The following CYTH4 variants were observed in gnomAD, a reference collection of about 807,000 sequenced individuals.
The protein encoded by CYTH4 is cytohesin 4, also known as cytohesin-4.
CYTH4 carries 22 observed loss-of-function variants against 57.5 expected under a neutral mutation model. That is an observed-to-expected ratio of 0.38 (90% CI 0.27 to 0.55). CYTH4 has a LOEUF of 0.55. CYTH4 is among the 20% of genes least tolerant of loss of function. The pLI, the probability that CYTH4 is intolerant of heterozygous loss-of-function variation, is 0.74. For synonymous variants in CYTH4, 186 were observed against 206.5 expected (o/e 0.90, Z 0.85); for missense variants, 420 against 535.6 (o/e 0.78, Z 2.13).
chr22:37,297,833 G>A, intron 5 of CYTH4, 151 bp downstream of exon 5: 1 of 637,424 alleles, frequency 1.6e-6, no homozygotes, highest in Non-Finnish European at 2.8e-6. Flanking sequence ...TCCAGATTCT[G>A]AGTCAAAGCC....
chr22:37,285,683 C>G lies in CYTH4; in HGVS notation c.19+3095C>G, dbSNP rs140735420. On this transcript the variant is annotated intron_variant, in intron 1 of 12. Coordinates refer to ENST00000248901, the MANE Select transcript of CYTH4 (RefSeq NM_013385.5). ...CCGAGATCAGGCCACTGCACTCCAG[C>G]CTGGGTAACAGACAGAGACATCGTC... is the stretch of plus-strand genomic sequence containing the variant. Among the ~76,000 whole-genome samples, 1,361 of 152,182 alleles carry G rather than the reference C, an allele frequency of 8.9e-3. 15 individuals are homozygous for G. Among genetic ancestry groups the G allele is most frequent in the African/African-American group, 0.031 (1,279 of 41,468 alleles).
chr22:37,312,078 C>T lies in CYTH4; in HGVS notation c.1016C>T (p.Thr339Ile), dbSNP rs1180358639. 3.1e-6 allele frequency: 5 copies of T among 1,614,066 alleles called. No individual in the cohort carries two copies. Among genetic ancestry groups the T allele is most frequent in the African/African-American group, 1.3e-5 (1 of 74,928 alleles). ...GGCCAGAAAATCAAGGCCTGCAAGA[C>T]CGATGGCGACGGCAGGGTGGTGGAG... is the stretch of plus-strand genomic sequence containing the variant. ...CRGQKIKACK[T>I]DGDGRVVEGK... The change falls in exon 12 of 13, where the codon ACC (threonine) becomes ATC (isoleucine). Residue 339 changes from threonine (T) to isoleucine (I), a missense_variant. Transcript: ENST00000248901.
rs979565325 is a variant in CYTH4 at position 37,301,625 on chromosome 22, T to C, written c.547+606T>C. Reference sequence around the variant, plus strand: ...TTGTCATAACAACAATAACCAACCCTGTATATTGAGTAATCCCTATGCGCT... The same window carrying C: ...TTGTCATAACAACAATAACCAACCCCGTATATTGAGTAATCCCTATGCGCT... On this transcript the variant is annotated intron_variant, in intron 7 of 12. Transcript: ENST00000248901. Among the ~76,000 whole-genome samples the C allele has an allele frequency of 5.3e-5, 8 of 149,788 alleles. No individual in the cohort carries two copies. In the East Asian group the frequency reaches 1.6e-3, roughly 29 times the overall value.
chr22:37,310,509 T>C (rs1929599926), intron 9 of CYTH4, among the ~76,000 whole-genome samples: 1 of 152,216 alleles, frequency 6.6e-6, no homozygotes, highest in South Asian at 2.1e-4. Flanking sequence ...GCAGGCGATT[T>C]TACCTCTCCA....
chr22:37,295,900 A>C lies in CYTH4; in HGVS notation c.168-99A>C. ...CCGGAGGCCACACTTGGAGGGCCCTAGAGGGGTATGGGCTCCTGCTGAGGC... is the reference window on the plus strand; with the variant it reads ...CCGGAGGCCACACTTGGAGGGCCCTCGAGGGGTATGGGCTCCTGCTGAGGC... On this transcript the variant is annotated intron_variant, in intron 3 of 12. Transcript: ENST00000248901. This position sits in a 1 kb window ranked among gnomAD's most constrained non-coding sequence, Gnocchi z 4.1. 2 of 1,275,174 alleles carry C rather than the reference A, an allele frequency of 1.6e-6. No individual in the cohort carries two copies. The highest frequency in any genetic ancestry group is 1.3e-5 in the South Asian group (1 of 78,620). The allele number at this position is 1,275,174 out of a possible 1,614,324, so 79.0% of individuals were successfully genotyped here.
chr22:37,292,623 C>T lies in CYTH4; in HGVS notation c.22C>T (p.Pro8Ser), dbSNP rs751140524. ...GAAGGCCGGTTGTCTCTCTGTAGAG[C>T]CCGCGGAGCTGAGCAGCGGGGAGAC... MDLCHPEPAELSSGETEE... is the reference protein window; with the variant it reads MDLCHPESAELSSGETEE... Residue 8 changes from proline (P) to serine (S), a missense_variant and splice_region_variant, in exon 2 of 13, where the codon CCC becomes TCC. Pro to Ser is a moderately conservative substitution (Grantham distance 74, BLOSUM62 -1). Coordinates refer to ENST00000248901, the MANE Select transcript of CYTH4 (RefSeq NM_013385.5). 3 of 1,613,562 alleles carry T rather than the reference C, an allele frequency of 1.9e-6. No individual in the cohort carries two copies. The highest frequency in any genetic ancestry group is 1.3e-5 in the African/African-American group (1 of 74,926).
rs1292213193 is a variant in CYTH4 at position 37,313,704 on chromosome 22, T to G, written c.*193T>G. On this transcript the variant is annotated 3_prime_UTR_variant, in exon 13 of 13. Transcript: ENST00000248901. ...GGTGGGAGCTGCAGTGGGCTCAGAGTCCAGCAATGAGGCCCCCTGGCCTGG... is the reference window on the plus strand; with the variant it reads ...GGTGGGAGCTGCAGTGGGCTCAGAGGCCAGCAATGAGGCCCCCTGGCCTGG... 8 of 609,354 alleles carry G rather than the reference T, an allele frequency of 1.3e-5. No individual in the cohort carries two copies. The highest frequency in any genetic ancestry group is 1.3e-4 in the African/African-American group (7 of 53,886). 37.7% of individuals were successfully genotyped at this position (609,354 alleles called of 1,614,324 possible).
At chr22:37,313,292 C>T in intron 12 of CYTH4, 147 bp from the exon 13 acceptor site, 1 of 751,058 alleles carries the variant, frequency 1.3e-6, no homozygotes, top group East Asian at 2.6e-5. Flanking sequence ...CCTGGCACAG[C>T]CTTTGTTGGG....
In CYTH4 at chr22:37,298,427, T is replaced by C. The variant is rs1929054773; in HGVS notation, c.353+745T>C. The C allele has an allele frequency of 1.3e-5, 2 of 158,410 alleles. No homozygotes were observed. The highest frequency in any genetic ancestry group is 2.8e-5 in the Non-Finnish European group (2 of 72,562). The allele number at this position is 158,410 out of a possible 1,614,324, so 9.8% of individuals were successfully genotyped here. A position where few individuals can be genotyped will look rare whatever the true frequency, so the allele number is the denominator to read the frequency against. On this transcript the variant is annotated intron_variant, in intron 5 of 12. Coordinates refer to ENST00000248901, the MANE Select transcript of CYTH4 (RefSeq NM_013385.5). This position sits in a 1 kb window ranked among gnomAD's most constrained non-coding sequence, Gnocchi z 4.1. ...AGAAAGAAAGACATGCTGGGGACCA[T>C]AGGTTGGGGGCTGTGATTTAGAATA...
Position 37,298,258 on chromosome 22 carries a change from T to C in CYTH4, c.353+576T>C, listed in dbSNP as rs1929048004. 6.5e-6 allele frequency: 1 copy of C among 153,772 alleles called. No individual in the cohort carries two copies. The highest frequency in any genetic ancestry group is 1.5e-5 in the Non-Finnish European group (1 of 68,922). The allele number at this position is 153,772 out of a possible 1,614,324, so 9.5% of individuals were successfully genotyped here. On this transcript the variant is annotated intron_variant, in intron 5 of 12. Transcript: ENST00000248901. The surrounding 1 kb of genome is among the most constrained non-coding windows in gnomAD (Gnocchi z 4.1). ...GGCAGGTGCCTGTAGTCCCAGTTACTCAGGAGGCTGAAGCAGGGGAATCGC... is the reference window on the plus strand; with the variant it reads ...GGCAGGTGCCTGTAGTCCCAGTTACCCAGGAGGCTGAAGCAGGGGAATCGC...
At chr22:37,309,074 G>C (rs1011023023) in intron 8 of CYTH4, 138 bp from the exon 9 acceptor site, 1 of 675,130 alleles carries the variant, frequency 1.5e-6, no homozygotes, top group Non-Finnish European at 2.5e-6. Flanking sequence ...AAAAGCCCAG[G>C]GACCACGATA....
chr22:37,310,922 T>C, intron 9 of CYTH4, 66 bp from the exon 10 acceptor site: 1 of 1,569,172 alleles, frequency 6.4e-7, no homozygotes, highest in Non-Finnish European at 8.8e-7. Context: ...GACCTGCCCT[T>C]CCCTGGAGGA....
intron 2 of CYTH4, among the ~76,000 whole-genome samples, chr22:37,293,339 TCTCTACCTTG>T (rs1167622866): frequency 6.6e-5 from 10 of 152,172 alleles, no homozygotes; most frequent in Middle Eastern, 3.2e-3. Context: ...TGCCAGGATT[TCTCTACCTTG>T]CTCTGATGGT....
chr22:37,304,046 C>A, intron 8 of CYTH4: 1 of 409,956 alleles, frequency 2.4e-6, no homozygotes. Flanking sequence ...GCGGTGCTGG[C>A]TGTGGGGATG....
chr22:37,290,986 C>T (rs773033754), intron 1 of CYTH4, among the ~76,000 whole-genome samples: 17 of 152,172 alleles, frequency 1.1e-4, no homozygotes, highest in Non-Finnish European at 2.1e-4. Flanking sequence ...CAGATGCACA[C>T]AGCACCCATT....
chr22:37,285,949 G>A (rs190361314), intron 1 of CYTH4, among the ~76,000 whole-genome samples: 1 of 152,220 alleles, frequency 6.6e-6, no homozygotes, highest in East Asian at 1.9e-4. Flanking sequence ...ACAGGGGACT[G>A]AGGATTCACG....
Position 37,303,244 on chromosome 22 carries a change from C to T in CYTH4, c.548-10C>T, listed in dbSNP as rs1929252853. On this transcript the variant is annotated splice_polypyrimidine_tract_variant and intron_variant, in intron 7 of 12. Transcript: ENST00000248901. Reference sequence around the variant, plus strand: ...CAGGGCCAGAACTGTGACCGCTGTCCCCTCCGCAGACACCTGCTACGTGTT... The same window carrying T: ...CAGGGCCAGAACTGTGACCGCTGTCTCCTCCGCAGACACCTGCTACGTGTT... 6 of 1,613,732 alleles carry T rather than the reference C, an allele frequency of 3.7e-6. No homozygotes were observed. The South Asian group carries it at 5.5e-5, about 15-fold the overall frequency.
intron 1 of CYTH4, among the ~76,000 whole-genome samples, chr22:37,289,197 G>C (rs1403352666): frequency 6.6e-6 from 1 of 152,184 alleles, no homozygotes; most frequent in Non-Finnish European, 1.5e-5. Flanking sequence ...TCATCCACCT[G>C]CCTCTTCTCC....
intron 12 of CYTH4, among the ~76,000 whole-genome samples, chr22:37,312,441 C>T (rs994619616): frequency 2.6e-5 from 4 of 152,228 alleles, no homozygotes; most frequent in African/African-American, 9.6e-5. Context: ...GTTCTTGCCC[C>T]GCCCTTGCCT....
Sources: gnomAD v4.1 joint callset for allele counts (sites outside exome capture counted in the v4.1 genomes callset) on GRCh38, gnomAD v4.1.1 for gene constraint, Gnocchi (gnomAD v3.1) non-coding constraint, MANE v1.5 for transcripts, NCBI Gene and HGNC (gene_info 2026-07-23, HGNC 2026-07-21) for gene names.